Variants in SCFD2 observed in about 807,000 individuals in gnomAD.
The protein encoded by SCFD2 is sec1 family domain containing 2.
In SCFD2, 54 loss-of-function variants were observed where a neutral mutation model predicts 58.9. That is an observed-to-expected ratio of 0.92 (90% CI 0.74 to 1.15). SCFD2 has a LOEUF of 1.15. Ranked by LOEUF, SCFD2 falls within the 50% of genes most tolerant of loss-of-function variation. The pLI is 0.00. For missense variants in SCFD2, 805 were observed against 836.6 expected (o/e 0.96, Z 0.47); for synonymous variants, 321 against 335.9 (o/e 0.96, Z 0.49).
intron 6 of SCFD2, among the ~76,000 whole-genome samples, chr4:52,918,759 C>T (rs1034913087): frequency 6.6e-6 from 1 of 152,120 alleles, no homozygotes; most frequent in African/African-American, 2.4e-5. Flanking sequence ...TCACTGCCAC[C>T]CAATTGATCA....
At chr4:53,344,004 CA>C (rs1468764420) in intron 2 of SCFD2, among the ~76,000 whole-genome samples, 11 of 152,130 alleles carry the variant, frequency 7.2e-5, no homozygotes, top group Non-Finnish European at 1.3e-4. Flanking sequence ...ACTGAATGGA[CA>C]AAAACTGGAA....
intron 4 of SCFD2, among the ~76,000 whole-genome samples, chr4:53,200,221 C>A (rs1471669926): frequency 6.6e-6 from 1 of 151,968 alleles, no homozygotes; most frequent in Non-Finnish European, 1.5e-5. Context: ...TGTAATAATC[C>A]TTCTTCCTAG....
chr4:53,274,685 A>G (rs1405041311), intron 3 of SCFD2, among the ~76,000 whole-genome samples: 1 of 152,220 alleles, frequency 6.6e-6, no homozygotes, highest in East Asian at 1.9e-4. Context: ...ACATCTACAA[A>G]CACACAAACT....
chr4:53,061,245 T>C (rs1723500711), intron 5 of SCFD2, among the ~76,000 whole-genome samples: 2 of 152,158 alleles, frequency 1.3e-5, no homozygotes, highest in South Asian at 2.1e-4. Flanking sequence ...CAAATACTAA[T>C]GCTCATATTC....
intron 7 of SCFD2, among the ~76,000 whole-genome samples, chr4:52,906,634 C>T (rs1487210892): frequency 6.6e-6 from 1 of 152,190 alleles, no homozygotes; most frequent in African/African-American, 2.4e-5. Context: ...GGTTTAGAGT[C>T]TGATTGTCTG....
intron 4 of SCFD2, among the ~76,000 whole-genome samples, chr4:53,172,469 G>A (rs1013753420): frequency 1.4e-4 from 21 of 152,162 alleles, no homozygotes; most frequent in African/African-American, 4.3e-4. Context: ...GTTTGATATA[G>A]GTGTTTATTG....
intron 2 of SCFD2, among the ~76,000 whole-genome samples, chr4:53,317,661 C>A (rs1000249783): frequency 9.2e-5 from 14 of 152,160 alleles, no homozygotes; most frequent in Admixed American, 3.3e-4. Context: ...TATGCAACGG[C>A]CAGTGTGGTA....
intron 4 of SCFD2, among the ~76,000 whole-genome samples, chr4:53,211,241 GA>G (rs55830697): frequency 0.67 from 94,964 of 141,892 alleles, 31,630 homozygotes; most frequent in Middle Eastern, 0.77. Flanking sequence ...GACTCCATGT[GA>G]AAAAAAAAAA....
At chr4:52,899,242 C>A (rs1269271486) in intron 7 of SCFD2, among the ~76,000 whole-genome samples, 1 of 152,108 alleles carries the variant, frequency 6.6e-6, no homozygotes, top group Non-Finnish European at 1.5e-5. Context: ...TTCTTCCTAG[C>A]CTCGATAGTC....
At chr4:53,237,012 G>A (rs1254184240) in intron 4 of SCFD2, among the ~76,000 whole-genome samples, 1 of 150,038 alleles carries the variant, frequency 6.7e-6, no homozygotes, top group Non-Finnish European at 1.5e-5. Context: ...GTGTCCCTGG[G>A]TACTTGAGAT....
At chr4:52,954,783 G>A (rs1457972612) in intron 5 of SCFD2, among the ~76,000 whole-genome samples, 1 of 152,166 alleles carries the variant, frequency 6.6e-6, no homozygotes, top group Non-Finnish European at 1.5e-5. Flanking sequence ...CAAAGAGCTG[G>A]CGGTTTTGCA....
intron 8 of SCFD2, among the ~76,000 whole-genome samples, chr4:52,877,365 G>A (rs941067402): frequency 1.3e-5 from 2 of 152,130 alleles, no homozygotes; most frequent in African/African-American, 4.8e-5. Context: ...AGGTTAGGGG[G>A]CCTTTGTGGA....
chr4:52,882,430 T>C (rs1718639704), intron 8 of SCFD2, among the ~76,000 whole-genome samples: 2 of 152,164 alleles, frequency 1.3e-5, no homozygotes, highest in Non-Finnish European at 2.9e-5. Context: ...TAATTGAGTG[T>C]CAACTTGATT....
intron 5 of SCFD2, among the ~76,000 whole-genome samples, chr4:53,031,530 G>A (rs1722615358): frequency 6.6e-6 from 1 of 152,118 alleles, no homozygotes; most frequent in Admixed American, 6.6e-5. Context: ...TAAGAACCAT[G>A]ACAAAGACAA....
chr4:53,079,010 C>G (rs1270982642), intron 5 of SCFD2, among the ~76,000 whole-genome samples: 1 of 151,770 alleles, frequency 6.6e-6, no homozygotes, highest in Non-Finnish European at 1.5e-5. Flanking sequence ...GTACAAGAAC[C>G]AAGAGGAGAT....
At chr4:53,247,703 T>G (rs1024640735) in intron 4 of SCFD2, among the ~76,000 whole-genome samples, 2 of 149,392 alleles carry the variant, frequency 1.3e-5, no homozygotes, top group African/African-American at 4.9e-5. Flanking sequence ...ACTAAAAAAA[T>G]ACAAAAAATT....
chr4:53,014,220 A>G (rs1358502474), intron 5 of SCFD2, among the ~76,000 whole-genome samples: 1 of 152,176 alleles, frequency 6.6e-6, no homozygotes, highest in Non-Finnish European at 1.5e-5. Flanking sequence ...GTTGGTATGG[A>G]GATGGAGTGG....
intron 5 of SCFD2, among the ~76,000 whole-genome samples, chr4:53,135,144 G>C (rs924180872): frequency 2.6e-5 from 4 of 151,922 alleles, no homozygotes; most frequent in African/African-American, 9.7e-5. Flanking sequence ...TCTGATAAAA[G>C]TACAGGGCAT....
intron 6 of SCFD2, among the ~76,000 whole-genome samples, chr4:52,918,803 C>A (rs568000680): frequency 1.2e-4 from 18 of 152,188 alleles, no homozygotes; most frequent in Admixed American, 2.6e-4. Flanking sequence ...CCCCAAGAAG[C>A]GGACCTTGGG....
Sources: gnomAD v4.1 joint callset for allele counts (sites outside exome capture counted in the v4.1 genomes callset) on GRCh38, gnomAD v4.1.1 for gene constraint, MANE v1.5 for transcripts, NCBI Gene and HGNC (gene_info 2026-07-23, HGNC 2026-07-21) for gene names.